Variants in DPP6 observed in about 807,000 individuals in gnomAD.
DPP6 encodes dipeptidyl peptidase like 6.
A neutral mutation model predicts 122.6 loss-of-function variants in DPP6; 69 were observed. The ratio of observed to expected loss-of-function variants is 0.56; its 90% confidence interval spans 0.46 to 0.69. The LOEUF (loss-of-function observed/expected upper bound fraction) is 0.69, where lower values mean the gene tolerates loss of function less well. Ranked by LOEUF, DPP6 falls within the 30% of genes least tolerant of loss-of-function variation. The pLI, the probability that DPP6 is intolerant of heterozygous loss-of-function variation, is 0.00. For synonymous variants in DPP6, 418 were observed against 433.1 expected, an observed-to-expected ratio of 0.97 and a Z score of 0.43; for missense variants, 928 against 1,116.9, an observed-to-expected ratio of 0.83 and a Z score of 2.41.
chr7:154,286,475 A>G (rs886989727), intron 1 of DPP6, among the ~76,000 whole-genome samples: 2 of 152,134 alleles, frequency 1.3e-5, no homozygotes, highest in African/African-American at 2.4e-5. Context: ...GCGTTTGTCC[A>G]CTCCATAGCC....
At chr7:154,840,848 G>C (rs924091590) in intron 16 of DPP6, among the ~76,000 whole-genome samples, 5 of 152,176 alleles carry the variant, frequency 3.3e-5, no homozygotes, top group Non-Finnish European at 7.3e-5. Flanking sequence ...ACTCTGAACT[G>C]ACTCTGCCAA....
the DPP6 span, among the ~76,000 whole-genome samples, chr7:153,777,957 AACTC>A: frequency 6.8e-6 from 1 of 147,350 alleles, no homozygotes; most frequent in Non-Finnish European, 1.5e-5. Flanking sequence ...AAATGAAACT[AACTC>A]TATTATAGAT....
intron 1 of DPP6, among the ~76,000 whole-genome samples, chr7:153,998,303 A>G (rs1485514392): frequency 6.6e-6 from 1 of 152,194 alleles, no homozygotes; most frequent in Non-Finnish European, 1.5e-5. Flanking sequence ...ATTCAATCAA[A>G]TATTCTATAT....
At chr7:153,998,547 A>T (rs1797547672) in intron 1 of DPP6, among the ~76,000 whole-genome samples, 1 of 152,232 alleles carries the variant, frequency 6.6e-6, no homozygotes, top group Non-Finnish European at 1.5e-5. Flanking sequence ...GTATCTAGGG[A>T]GAATGACAGC....
At chr7:154,633,490 C>A (rs549927774) in intron 5 of DPP6, among the ~76,000 whole-genome samples, 332 of 152,328 alleles carry the variant, frequency 2.2e-3, no homozygotes, top group Middle Eastern at 6.8e-3. Context: ...CCCGCCTCAG[C>A]CTCCCAAAGT....
chr7:154,580,319 T>C (rs1001776265), intron 5 of DPP6, among the ~76,000 whole-genome samples: 3 of 152,088 alleles, frequency 2.0e-5, no homozygotes, highest in African/African-American at 7.2e-5. Flanking sequence ...ACTTTGACCA[T>C]TGACAAATTT....
At chr7:154,586,241 A>G (rs547863273) in intron 5 of DPP6, among the ~76,000 whole-genome samples, 2 of 152,188 alleles carry the variant, frequency 1.3e-5, no homozygotes, top group East Asian at 3.9e-4. Context: ...TAATCTCAGC[A>G]CTTTAGGAGG....
At chr7:153,787,195 C>T in the DPP6 span, among the ~76,000 whole-genome samples, 1 of 137,008 alleles carries the variant, frequency 7.3e-6, no homozygotes, top group Admixed American at 7.2e-5. Flanking sequence ...CGTGATCCAC[C>T]CGCCTCGGCC....
chr7:154,407,981 T>C (rs10952476), intron 1 of DPP6, among the ~76,000 whole-genome samples: 83,703 of 152,110 alleles, frequency 0.55, 26,554 homozygotes, highest in Non-Finnish European at 0.69. Flanking sequence ...TAACTCATAA[T>C]GTTGTTATCA....
At chr7:153,783,878 C>T in the DPP6 span, among the ~76,000 whole-genome samples, 7 of 152,124 alleles carry the variant, frequency 4.6e-5, no homozygotes, top group East Asian at 3.9e-4. Context: ...TGATGTTAAT[C>T]GAAGTAGACT....
At chr7:154,108,353 T>C (rs1806319047) in intron 1 of DPP6, among the ~76,000 whole-genome samples, 1 of 152,292 alleles carries the variant, frequency 6.6e-6, no homozygotes, top group African/African-American at 2.4e-5. Flanking sequence ...CCAATTGATG[T>C]AGGCAAATGT....
intron 4 of DPP6, among the ~76,000 whole-genome samples, chr7:154,557,084 C>T (rs552724310): frequency 6.6e-6 from 1 of 152,266 alleles, no homozygotes; most frequent in South Asian, 2.1e-4. Flanking sequence ...TTCAAAAAAT[C>T]ACAACTTCGA....
chr7:154,298,457 G>T (rs1320378730), intron 1 of DPP6, among the ~76,000 whole-genome samples: 1 of 152,112 alleles, frequency 6.6e-6, no homozygotes, highest in East Asian at 1.9e-4. Flanking sequence ...CAGAAGCGAT[G>T]TGTGCCTGTG....
chr7:154,258,681 C>G (rs1802814308), intron 1 of DPP6, among the ~76,000 whole-genome samples: 1 of 152,116 alleles, frequency 6.6e-6, no homozygotes. Context: ...CCTCAGGGCC[C>G]CTGGAACAGG....
intron 25 of DPP6, 121 bp from the exon 26 acceptor site, chr7:154,892,213 A>C (rs1806671411): frequency 7.5e-7 from 1 of 1,341,980 alleles, no homozygotes. Context: ...AACCCACTTC[A>C]TCAACTACAA....
chr7:154,366,901 C>T lies in DPP6; in HGVS notation c.244-79313C>T, dbSNP rs562440702. Reference sequence around the variant, plus strand: ...AACTGTCTTTAGTAATAGAGGCATGCAATATGATTGGCAGATGAATTTACA... The same window carrying T: ...AACTGTCTTTAGTAATAGAGGCATGTAATATGATTGGCAGATGAATTTACA... On this transcript the variant is annotated intron_variant, in intron 1 of 25. Coordinates refer to ENST00000377770, the MANE Select transcript of DPP6 (RefSeq NM_130797.4). Among the ~76,000 whole-genome samples the T allele has an allele frequency of 3.3e-5, 5 of 152,290 alleles. No homozygotes were observed. In the South Asian group the frequency reaches 8.3e-4, roughly 25 times the overall value.
At chr7:153,789,887 A>G in the DPP6 span, among the ~76,000 whole-genome samples, 20 of 152,244 alleles carry the variant, frequency 1.3e-4, no homozygotes, top group African/African-American at 4.6e-4. Flanking sequence ...CTTAGAGACA[A>G]TATATAATCT....
At chr7:154,507,497 T>C (rs745497933) in intron 3 of DPP6, among the ~76,000 whole-genome samples, 1 of 152,076 alleles carries the variant, frequency 6.6e-6, no homozygotes, top group Non-Finnish European at 1.5e-5. Flanking sequence ...CAAAGTGAGA[T>C]GGAAAATACA....
At chr7:154,450,478 G>A (rs1044499510) in intron 2 of DPP6, among the ~76,000 whole-genome samples, 1 of 152,208 alleles carries the variant, frequency 6.6e-6, no homozygotes, top group African/African-American at 2.4e-5. Context: ...GCTGTTGGGG[G>A]AGAAAAGTGT....
Sources: gnomAD v4.1 joint callset for allele counts (sites outside exome capture counted in the v4.1 genomes callset) on GRCh38, gnomAD v4.1.1 for gene constraint, MANE v1.5 for transcripts, NCBI Gene and HGNC (gene_info 2026-07-23, HGNC 2026-07-21) for gene names.